The following PCDH7 variants were observed in gnomAD, a reference collection of about 807,000 sequenced individuals.
PCDH7 encodes the protein protocadherin-7.
In PCDH7, 17 loss-of-function variants were observed where a neutral mutation model predicts 58.9. The ratio of observed to expected loss-of-function variants is 0.29; its 90% confidence interval spans 0.20 to 0.43. The LOEUF (loss-of-function observed/expected upper bound fraction) is 0.43, where lower values mean the gene tolerates loss of function less well. Ranked by LOEUF, PCDH7 falls within the 20% of genes least tolerant of loss-of-function variation. The pLI is 1.00. For missense variants in PCDH7, 1,274 were observed against 1,441.0 expected, an observed-to-expected ratio of 0.88 and a Z score of 1.88; for synonymous variants, 664 against 616.4, an observed-to-expected ratio of 1.08 and a Z score of -1.14.
rs182664518 is a variant in PCDH7 at position 30,758,109 on chromosome 4, C to T, written c.70+33513C>T. Among the ~76,000 whole-genome samples the T allele has an allele frequency of 1.2e-3, 176 of 152,050 alleles. 2 individuals carry two copies. The highest frequency in any genetic ancestry group is 5.8e-4 in the East Asian group (3 of 5,150). ...AGACAATGTAGGGAGTTCTGAGGAC[C>T]GTGAGGGCTGCAATTAGCTATCAAG... On this transcript the variant is annotated intron_variant, in intron 1 of 3. Coordinates refer to the PCDH7 transcript ENST00000509759.
chr4:30,952,863 C>A (rs1747500851), intron 3 of PCDH7, among the ~76,000 whole-genome samples: 1 of 152,140 alleles, frequency 6.6e-6, no homozygotes, highest in East Asian at 1.9e-4. Flanking sequence ...ACGGTTGAGA[C>A]AGGGCTTGCT....
At chr4:30,924,789 C>A (rs1743624726) in intron 2 of PCDH7, among the ~76,000 whole-genome samples, 3 of 145,206 alleles carry the variant, frequency 2.1e-5, no homozygotes, top group African/African-American at 2.6e-5. Context: ...TCTTACTTAA[C>A]AATGTGAACT....
intron 3 of PCDH7, among the ~76,000 whole-genome samples, chr4:31,082,146 AT>A (rs761337376): frequency 4.6e-5 from 7 of 152,176 alleles, no homozygotes; most frequent in Non-Finnish European, 1.0e-4. Flanking sequence ...GGCACCAAAT[AT>A]TAGGTAAAAT....
At chr4:31,080,970 T>A (rs144802666) in intron 3 of PCDH7, among the ~76,000 whole-genome samples, 2 of 152,228 alleles carry the variant, frequency 1.3e-5, no homozygotes, top group African/African-American at 4.8e-5. Flanking sequence ...TCTGTCGCCA[T>A]GTAAGACATG....
intron 3 of PCDH7, among the ~76,000 whole-genome samples, chr4:30,988,629 A>C (rs1005287219): frequency 1.3e-5 from 2 of 152,220 alleles, no homozygotes; most frequent in Non-Finnish European, 2.9e-5. Context: ...TGTTTAAGAC[A>C]CTAAATCAAT....
At chr4:30,959,692 G>C (rs1009576458) in intron 3 of PCDH7, among the ~76,000 whole-genome samples, 1 of 152,022 alleles carries the variant, frequency 6.6e-6, no homozygotes, top group African/African-American at 2.4e-5. Context: ...TGACATCTAA[G>C]GATTTAGTTT....
chr4:30,918,951 A>T (rs2109413388), intron 1 of PCDH7, among the ~76,000 whole-genome samples: 1 of 152,216 alleles, frequency 6.6e-6, no homozygotes, highest in African/African-American at 2.4e-5. Context: ...TGTGCATATA[A>T]TCCTTAATAT....
chr4:31,030,143 G>GCATGTGTGTGTA (rs1754775021), intron 3 of PCDH7, among the ~76,000 whole-genome samples: 1 of 151,576 alleles, frequency 6.6e-6, no homozygotes, highest in Admixed American at 6.6e-5. Flanking sequence ...TTGTGTGTGT[G>GCATGTGTGTGTA]CATGTGTGTG....
chr4:30,995,814 A>G (rs954814465), intron 3 of PCDH7, among the ~76,000 whole-genome samples: 2 of 152,128 alleles, frequency 1.3e-5, no homozygotes, highest in Admixed American at 1.3e-4. Context: ...TGAGCCTTAT[A>G]CTTCTAACAC....
intron 2 of PCDH7, among the ~76,000 whole-genome samples, chr4:30,922,475 T>A (rs1034776469): frequency 2.0e-5 from 3 of 152,042 alleles, no homozygotes; most frequent in Admixed American, 2.0e-4. Context: ...TGGGGATTCA[T>A]CACCTTTAAA....
chr4:30,901,680 A>G (rs1014488436), intron 1 of PCDH7, among the ~76,000 whole-genome samples: 1 of 152,140 alleles, frequency 6.6e-6, no homozygotes, highest in Non-Finnish European at 1.5e-5. Flanking sequence ...CCAACTGCAG[A>G]TAATGTCTGG....
At chr4:31,118,477 C>T (rs1358622730) in intron 3 of PCDH7, among the ~76,000 whole-genome samples, 8 of 152,028 alleles carry the variant, frequency 5.3e-5, no homozygotes, top group Non-Finnish European at 1.0e-4. Context: ...AAAGCTGATC[C>T]ATCATCTTTC....
In PCDH7 at chr4:31,114,773, A is replaced by C. The variant is rs878966830; in HGVS notation, c.*8-27700A>C. Among the ~76,000 whole-genome samples, 16 of 152,192 alleles carry C rather than the reference A, an allele frequency of 1.1e-4. No homozygotes were observed. The South Asian group carries it at 3.3e-3, about 32-fold the overall frequency. On this transcript the variant is annotated intron_variant, in intron 3 of 3. Coordinates refer to the PCDH7 transcript ENST00000509759. ...GGTGAACATATACAGCTAATACAACAAGCAAAATTCCTGTTATTTAATCAG... is the reference window on the plus strand; with the variant it reads ...GGTGAACATATACAGCTAATACAACCAGCAAAATTCCTGTTATTTAATCAG...
At chr4:30,795,611 C>T (rs1378622507) in intron 1 of PCDH7, among the ~76,000 whole-genome samples, 2 of 152,194 alleles carry the variant, frequency 1.3e-5, no homozygotes, top group African/African-American at 4.8e-5. Context: ...TTACACCAGT[C>T]ACTAACTAGG....
chr4:31,073,127 T>C (rs1758691950), intron 3 of PCDH7, among the ~76,000 whole-genome samples: 1 of 152,152 alleles, frequency 6.6e-6, no homozygotes, highest in African/African-American at 2.4e-5. Flanking sequence ...GAAATAAGTA[T>C]TTGTAAATGC....
intron 1 of PCDH7, among the ~76,000 whole-genome samples, chr4:30,871,489 G>T (rs745640891): frequency 1.3e-5 from 2 of 152,018 alleles, no homozygotes; most frequent in African/African-American, 4.8e-5. Context: ...ACTTGGGTCT[G>T]ACTAAGCCAA....
chr4:30,768,918 G>A lies in PCDH7; in HGVS notation c.70+44322G>A, dbSNP rs566343227. ...GAGTTATTGAGGATGAAATCAAGTC[G>A]AGGAGATGATACTTTCAGGTGGCTT... On this transcript the variant is annotated intron_variant, in intron 1 of 3. Coordinates refer to the PCDH7 transcript ENST00000509759. Among the ~76,000 whole-genome samples, 119 of 152,164 alleles carry A rather than the reference G, an allele frequency of 7.8e-4. 1 individual carries two copies. Among genetic ancestry groups the A allele is most frequent in the Non-Finnish European group, 9.1e-4 (62 of 68,032 alleles).
intron 1 of PCDH7, among the ~76,000 whole-genome samples, chr4:30,751,814 A>G (rs1324199080): frequency 6.6e-6 from 1 of 152,160 alleles, no homozygotes; most frequent in Non-Finnish European, 1.5e-5. Flanking sequence ...CATTTTTTCC[A>G]GTAATATTTA....
At chr4:30,862,834 A>G (rs527607728) in intron 1 of PCDH7, among the ~76,000 whole-genome samples, 1 of 150,110 alleles carries the variant, frequency 6.7e-6, no homozygotes, top group Non-Finnish European at 1.5e-5. Flanking sequence ...CTGCAGCACT[A>G]CATTATTAAA....
Sources: allele counts gnomAD v4.1 joint callset (sites outside exome capture counted in the v4.1 genomes callset), GRCh38; gene constraint gnomAD v4.1.1; transcripts MANE v1.5; gene names NCBI Gene and HGNC (gene_info 2026-07-23, HGNC 2026-07-21).